TTLL7: variants seen among roughly 807,000 people sequenced by gnomAD.
The protein encoded by TTLL7 is tubulin tyrosine ligase like 7.
In TTLL7, 53 loss-of-function variants were observed where a neutral mutation model predicts 120.2. The ratio of observed to expected loss-of-function variants is 0.44; its 90% CI spans 0.35 to 0.55. The LOEUF (loss-of-function observed/expected upper bound fraction) is 0.55, where lower values mean the gene tolerates loss of function less well. Among genes scored for constraint, TTLL7 ranks in the 20% least tolerant of loss-of-function variants. TTLL7 has a pLI of 0.00. For synonymous variants in TTLL7, 353 were observed against 351.7 expected, an observed-to-expected ratio of 1.00 and a Z score of -0.04; for missense variants, 803 against 1,054.7, an observed-to-expected ratio of 0.76 and a Z score of 3.31.
At chr1:83,928,642 A>C (rs543539346) in intron 10 of TTLL7, among the ~76,000 whole-genome samples, 1 of 152,210 alleles carries the variant, frequency 6.6e-6, no homozygotes, top group South Asian at 2.1e-4. Context: ...GGGGAGCATG[A>C]TGTAATGGGA....
intron 18 of TTLL7, among the ~76,000 whole-genome samples, chr1:83,900,507 T>C (rs1288698329): frequency 2.0e-5 from 3 of 151,914 alleles, no homozygotes; most frequent in African/African-American, 7.2e-5. Flanking sequence ...GTGTGTGAGA[T>C]TGTAAAGAAG....
chr1:83,906,664 C>G, intron 16 of TTLL7: 1 of 618,128 alleles, frequency 1.6e-6, no homozygotes, highest in Non-Finnish European at 2.7e-6. Flanking sequence ...CACACTTCCA[C>G]AAGGTTATAC....
At chr1:83,961,858 C>T (rs1466700379) in intron 1 of TTLL7, among the ~76,000 whole-genome samples, 2 of 152,094 alleles carry the variant, frequency 1.3e-5, no homozygotes, top group African/African-American at 4.8e-5. Flanking sequence ...ATTTGTCAAT[C>T]CATTTACCTC....
intron 7 of TTLL7, among the ~76,000 whole-genome samples, chr1:83,939,915 T>C (rs1647780357): frequency 6.6e-6 from 1 of 152,144 alleles, no homozygotes; most frequent in South Asian, 2.1e-4. Context: ...ATTCTTCCAG[T>C]CTTTTTTCTA....
At chr1:83,991,033 G>A (rs1224888852) in intron 1 of TTLL7, among the ~76,000 whole-genome samples, 1 of 152,116 alleles carries the variant, frequency 6.6e-6, no homozygotes, top group African/African-American at 2.4e-5. Flanking sequence ...AGGAAATTCT[G>A]ACATATCCTA....
rs1405106971 is a variant in TTLL7 at position 83,869,993 on chromosome 1, A to C, written c.2633T>G (p.Val878Gly). 6.3e-7 allele frequency: 1 copy of C among 1,593,646 alleles called. No individual in the cohort carries two copies. Among genetic ancestry groups the C allele is most frequent in the African/African-American group, 1.4e-5 (1 of 73,850 alleles). The change falls in exon 21 of 21, where the codon GTT becomes GGT. Residue 878 changes from valine to glycine, a missense_variant. By Grantham distance (109) the Val-to-Gly change is moderately radical. This residue lies in a region of TTLL7 where 388 missense variants were observed against 450.4 expected (regional missense o/e 0.86). Transcript: ENST00000260505. Reference sequence around the variant, plus strand: ...ATGGCCATATCTGGATGTAAACAAAACATTGGAGCGAGTCATTCCAGGTGA... The same window carrying C: ...ATGGCCATATCTGGATGTAAACAAACCATTGGAGCGAGTCATTCCAGGTGA... ...YNSPGMTRSN[V>G]LFTSRYGHL
At chr1:83,887,119 C>T (rs1571059164) in intron 19 of TTLL7, 1 of 580,306 alleles carries the variant, frequency 1.7e-6, no homozygotes, top group Non-Finnish European at 2.3e-6. Context: ...GGAAACCTAC[C>T]ACAAAGATCT....
intron 8 of TTLL7, among the ~76,000 whole-genome samples, chr1:83,936,078 A>G (rs995108326): frequency 1.3e-5 from 2 of 152,140 alleles, no homozygotes; most frequent in Non-Finnish European, 2.9e-5. Flanking sequence ...ATAGGCCCAC[A>G]TTGGCTATGT....
chr1:83,963,790 A>G (rs1650218212), intron 1 of TTLL7, among the ~76,000 whole-genome samples: 1 of 152,142 alleles, frequency 6.6e-6, no homozygotes, highest in Admixed American at 6.6e-5. Context: ...TTTTTAATTT[A>G]AAATAATAAA....
intron 20 of TTLL7, among the ~76,000 whole-genome samples, chr1:83,871,799 AG>A (rs1653429872): frequency 6.7e-6 from 1 of 148,762 alleles, no homozygotes; most frequent in African/African-American, 2.5e-5. Context: ...CCAGAGGCTG[AG>A]GCAGGAGAAT....
At chr1:83,990,198 T>G (rs1180982144) in intron 1 of TTLL7, among the ~76,000 whole-genome samples, 2 of 142,790 alleles carry the variant, frequency 1.4e-5, no homozygotes, top group Non-Finnish European at 3.0e-5. Context: ...AGACGGAGTC[T>G]CGCTCTGTCG....
At chr1:83,969,374 T>C (rs1650763622) in intron 1 of TTLL7, among the ~76,000 whole-genome samples, 2 of 151,898 alleles carry the variant, frequency 1.3e-5, no homozygotes. Context: ...ATCATAAAAT[T>C]AGATATCACT....
chr1:83,978,452 A>G (rs1436651775), intron 1 of TTLL7, among the ~76,000 whole-genome samples: 1 of 152,220 alleles, frequency 6.6e-6, no homozygotes, highest in Admixed American at 6.5e-5. Context: ...AGAATTATTC[A>G]TTTTAATCAT....
chr1:83,884,408 T>TAA (rs140406313), intron 19 of TTLL7, among the ~76,000 whole-genome samples: 21 of 151,488 alleles, frequency 1.4e-4, no homozygotes, highest in East Asian at 3.9e-4. Flanking sequence ...TTTGAATTCT[T>TAA]AAAAAAATGC....
chr1:83,958,629 C>A (rs1239636838), intron 1 of TTLL7, among the ~76,000 whole-genome samples: 1 of 152,096 alleles, frequency 6.6e-6, no homozygotes, highest in Non-Finnish European at 1.5e-5. Context: ...GCACTTGGTT[C>A]CCAAACCAAA....
At chr1:83,902,898 T>C (rs1412069982) in intron 18 of TTLL7, among the ~76,000 whole-genome samples, 3 of 151,926 alleles carry the variant, frequency 2.0e-5, no homozygotes, top group African/African-American at 7.2e-5. Context: ...CCTCCCCCTC[T>C]TTCTCCAGCA....
At chr1:83,940,197 A>T (rs1196230153) in intron 7 of TTLL7, among the ~76,000 whole-genome samples, 1 of 152,150 alleles carries the variant, frequency 6.6e-6, no homozygotes, top group East Asian at 1.9e-4. Context: ...ACTGGACTTA[A>T]GATAATTATA....
chr1:83,947,318 T>G (rs1330851459), intron 5 of TTLL7, 36 bp from the exon 6 acceptor site: 1 of 1,552,386 alleles, frequency 6.4e-7, no homozygotes, highest in Admixed American at 2.1e-5. Context: ...ATAATTTCTA[T>G]TCAAACTAGC....
chr1:83,887,320 T>C (rs1482397016), intron 19 of TTLL7: 2 of 905,052 alleles, frequency 2.2e-6, no homozygotes, highest in Admixed American at 2.8e-5. Flanking sequence ...TTAAAATCAT[T>C]CCTTAAAAAC....
Sources: allele counts gnomAD v4.1 joint callset (sites outside exome capture counted in the v4.1 genomes callset), GRCh38; gene constraint gnomAD v4.1.1; regional missense constraint gnomAD v4.1.1; transcripts MANE v1.5; gene names NCBI Gene and HGNC (gene_info 2026-07-23, HGNC 2026-07-21).